HIPK2: variants seen among roughly 807,000 people sequenced by gnomAD.
The protein encoded by HIPK2 is homeodomain-interacting protein kinase 2.
HIPK2 carries 27 observed loss-of-function variants against 113.7 expected under a neutral mutation model. The ratio of observed to expected loss-of-function variants is 0.24; its 90% CI spans 0.17 to 0.33. HIPK2 has a LOEUF of 0.33. HIPK2 is among the 10% of genes least tolerant of loss of function. The pLI is 1.00. For missense variants in HIPK2, 1,257 were observed against 1,588.0 expected (o/e 0.79, Z 3.54); for synonymous variants, 631 against 642.2 (o/e 0.98, Z 0.26).
chr7:139,642,424 A>G (rs1183867090), intron 2 of HIPK2, among the ~76,000 whole-genome samples: 1 of 152,176 alleles, frequency 6.6e-6, no homozygotes, highest in Non-Finnish European at 1.5e-5. Flanking sequence ...AGCTGCACAG[A>G]AGACAGCCAG....
chr7:139,633,845 T>G (rs1356132295), intron 2 of HIPK2, among the ~76,000 whole-genome samples: 1 of 151,642 alleles, frequency 6.6e-6, no homozygotes, highest in Non-Finnish European at 1.5e-5. Flanking sequence ...TTCAGGAGGC[T>G]GAGGCATGAG....
chr7:139,669,628 CA>C (rs1802189867), intron 2 of HIPK2, among the ~76,000 whole-genome samples: 1 of 97,304 alleles, frequency 1.0e-5, no homozygotes. Flanking sequence ...GTTTCATTCG[CA>C]AAAACACTGT....
intron 2 of HIPK2, among the ~76,000 whole-genome samples, chr7:139,703,891 ACG>A (rs1794792923): frequency 1.6e-5 from 2 of 128,838 alleles, no homozygotes; most frequent in African/African-American, 3.1e-5. Flanking sequence ...ACACACACAC[ACG>A]CAACACATAC....
chr7:139,632,883 GC>G (rs1280191337), intron 2 of HIPK2, among the ~76,000 whole-genome samples: 1 of 152,018 alleles, frequency 6.6e-6, no homozygotes, highest in East Asian at 1.9e-4. Context: ...TTCAAGAGCA[GC>G]CTGGGCAACA....
chr7:139,684,747 G>A (rs1794168117), intron 2 of HIPK2, among the ~76,000 whole-genome samples: 2 of 152,200 alleles, frequency 1.3e-5, no homozygotes, highest in African/African-American at 4.8e-5. Flanking sequence ...CAGGCTGAAT[G>A]CTAGGTCTCT....
intron 2 of HIPK2, among the ~76,000 whole-genome samples, chr7:139,709,772 G>A: frequency 6.6e-6 from 1 of 152,220 alleles, no homozygotes; most frequent in Non-Finnish European, 1.5e-5. Flanking sequence ...TCCTTTCAGA[G>A]CCTATTTCTT....
intron 2 of HIPK2, among the ~76,000 whole-genome samples, chr7:139,712,539 A>AC (rs1398315821): frequency 6.6e-6 from 1 of 152,202 alleles, no homozygotes; most frequent in African/African-American, 2.4e-5. Context: ...ACAAAGGCCA[A>AC]CCTGCTGGGA....
chr7:139,588,765 G>A (rs1045851426), intron 12 of HIPK2, among the ~76,000 whole-genome samples: 8 of 152,066 alleles, frequency 5.3e-5, no homozygotes, highest in Non-Finnish European at 8.8e-5. Context: ...GGATGAATGC[G>A]GGGGAGTAAA....
rs574275980 is a variant in HIPK2, at chr7:139,747,635, C to T, written c.19+29970G>A. 3.3e-5 allele frequency among the ~76,000 whole-genome samples: 5 copies of T among 152,350 alleles called. No homozygotes were observed. The South Asian group carries it at 1.0e-3, about 32-fold the overall frequency. On this transcript the variant is annotated intron_variant, in intron 1 of 14. Coordinates refer to ENST00000406875, the MANE Select transcript of HIPK2 (RefSeq NM_022740.5). Reference sequence around the variant, plus strand: ...TGCCTGTGTTACTTCACTTTTACTCCCACCTAGGCCCCTGTGGCTGAGGAC... The same window carrying T: ...TGCCTGTGTTACTTCACTTTTACTCTCACCTAGGCCCCTGTGGCTGAGGAC...
intron 9 of HIPK2, among the ~76,000 whole-genome samples, chr7:139,609,900 T>C (rs1799754395): frequency 6.6e-6 from 1 of 152,208 alleles, no homozygotes; most frequent in African/African-American, 2.4e-5. Flanking sequence ...CTACATGGTG[T>C]TCCATTTTAC....
chr7:139,629,146 C>T (rs879084024), intron 4 of HIPK2, 107 bp from the exon 5 acceptor site: 72 of 866,072 alleles, frequency 8.3e-5, no homozygotes, highest in South Asian at 7.6e-4. Context: ...TCCCACATTT[C>T]GGAAGAGATT....
intron 2 of HIPK2, among the ~76,000 whole-genome samples, chr7:139,668,153 C>T: frequency 6.8e-6 from 1 of 147,920 alleles, no homozygotes; most frequent in African/African-American, 2.5e-5. Flanking sequence ...AGCAAGCAAG[C>T]AAGCAGTTAC....
At chr7:139,670,759 CTTTTT>C (rs1156402912) in intron 2 of HIPK2, among the ~76,000 whole-genome samples, 4 of 46,406 alleles carry the variant, frequency 8.6e-5, no homozygotes, top group Middle Eastern at 0.015. Context: ...TTCTTTCTTT[CTTTTT>C]TTTTTTTTTT....
At chr7:139,665,950 CTTT>C (rs1012816558) in intron 2 of HIPK2, among the ~76,000 whole-genome samples, 4 of 139,538 alleles carry the variant, frequency 2.9e-5, no homozygotes, top group Admixed American at 1.4e-4. Flanking sequence ...GGAGGTCTGC[CTTT>C]TTTTTTTTTT....
chr7:139,634,533 C>A (rs1267159234), intron 2 of HIPK2, among the ~76,000 whole-genome samples: 2 of 152,096 alleles, frequency 1.3e-5, no homozygotes, highest in Non-Finnish European at 2.9e-5. Context: ...TGGCCACATA[C>A]CAGGGCCCCC....
At chr7:139,732,646 A>G (rs1795824942) in intron 1 of HIPK2, among the ~76,000 whole-genome samples, 1 of 151,986 alleles carries the variant, frequency 6.6e-6, no homozygotes, top group African/African-American at 2.4e-5. Flanking sequence ...TGATCTCAGC[A>G]AGTTACTTAA....
At chr7:139,661,930 C>T (rs1801879811) in intron 2 of HIPK2, among the ~76,000 whole-genome samples, 1 of 152,194 alleles carries the variant, frequency 6.6e-6, no homozygotes, top group Non-Finnish European at 1.5e-5. Flanking sequence ...TTCCCTCCTC[C>T]CAGAGTCTTT....
rs909365400 is a variant in HIPK2 at position 139,575,171 on chromosome 7, G to A, written c.3083C>T (p.Pro1028Leu). 8 of 1,593,290 alleles carry A rather than the reference G, an allele frequency of 5.0e-6. No homozygotes were observed. Among genetic ancestry groups the A allele is most frequent in the Middle Eastern group, 1.7e-4 (1 of 6,004 alleles). Residue 1028 changes from proline to leucine, a missense_variant, in exon 14 of 15, where the codon CCG becomes CTG. Pro to Leu is a moderately conservative substitution (Grantham distance 98). Around this residue, in one of 5 missense-constraint regions of HIPK2, gnomAD observed 862 missense variants for 1,004.3 expected, o/e 0.86. Coordinates refer to ENST00000406875, the MANE Select transcript of HIPK2 (RefSeq NM_022740.5). ...CTGCTGCTGCTGGAAGTGGGGGCCC[G>A]GCCGCTGCTGCCGGTAGGTGATGGC... ...SGAITYRQQR[P>L]GPHFQQQQPL...
At chr7:139,742,002 G>A (rs1235410163) in intron 1 of HIPK2, among the ~76,000 whole-genome samples, 3 of 152,146 alleles carry the variant, frequency 2.0e-5, no homozygotes, top group African/African-American at 7.2e-5. Flanking sequence ...GGCAGGATTC[G>A]CTCCCCCAAG....
Sources: gnomAD v4.1 joint callset for allele counts (sites outside exome capture counted in the v4.1 genomes callset) on GRCh38, gnomAD v4.1.1 for gene constraint, gnomAD v4.1.1 regional missense constraint, MANE v1.5 for transcripts, NCBI Gene and HGNC (gene_info 2026-07-23, HGNC 2026-07-21) for gene names.